COL4A5: variants seen among roughly 807,000 people sequenced by gnomAD.
COL4A5 encodes the protein collagen alpha-5(IV) chain.
Under a neutral mutation model 130.2 loss-of-function variants are expected in COL4A5, and 26 were observed. The observed-to-expected ratio is 0.20, with a 90% CI of 0.15 to 0.28. The LOEUF (loss-of-function observed/expected upper bound fraction) is 0.28. COL4A5 is among the 10% of genes least tolerant of loss of function. COL4A5 has a pLI of 1.00. For synonymous variants in COL4A5, 496 were observed against 439.6 expected (o/e 1.13, Z -1.60); for missense variants, 1,131 against 1,344.3 (o/e 0.84, Z 2.48).
intron 19 of COL4A5, among the ~76,000 whole-genome samples, chrX:108,590,378 T>G (rs1251864776): frequency 9.0e-6 from 1 of 111,410 alleles, no homozygotes; most frequent in Non-Finnish European, 1.9e-5. Flanking sequence ...GTGTAAGACT[T>G]CTTTGCAGAA....
chrX:108,674,875 G>C, intron 43 of COL4A5, 122 bp downstream of exon 43: 2 of 661,382 alleles, frequency 3.0e-6, no homozygotes, highest in Non-Finnish European at 4.4e-6. Flanking sequence ...TTATCCTCAA[G>C]CTGGGGTTTT....
intron 37 of COL4A5, among the ~76,000 whole-genome samples, chrX:108,662,879 C>T (rs1339908580): frequency 8.9e-6 from 1 of 111,860 alleles, no homozygotes; most frequent in African/African-American, 3.3e-5. Flanking sequence ...CATATGGAAC[C>T]AATAAAGAGC....
chrX:108,534,162 GAGAGAA>G (rs1007884476), intron 1 of COL4A5, among the ~76,000 whole-genome samples: 3 of 109,455 alleles, frequency 2.7e-5, no homozygotes, highest in African/African-American at 1.0e-4. Context: ...GAAAGAGAGA[GAGAGAA>G]AGAGAAAGAA....
intron 49 of COL4A5, among the ~76,000 whole-genome samples, chrX:108,691,061 CA>C (rs1002808082): frequency 4.6e-5 from 5 of 109,438 alleles, no homozygotes; most frequent in South Asian, 3.9e-4. Flanking sequence ...AAGCCAGGCA[CA>C]AAAAAAACAA....
At chrX:108,678,196 A>G (rs1316890499) in intron 44 of COL4A5, among the ~76,000 whole-genome samples, 3 of 111,927 alleles carry the variant, frequency 2.7e-5, no homozygotes, top group Non-Finnish European at 5.6e-5. Flanking sequence ...GGTTCTCAAA[A>G]CTGCCTCCAT....
chrX:108,509,235 A>C (rs1296950097), intron 1 of COL4A5, among the ~76,000 whole-genome samples: 1 of 111,929 alleles, frequency 8.9e-6, no homozygotes, highest in African/African-American at 3.2e-5. Context: ...TGATGAGAAC[A>C]CATGGACACA....
chrX:108,580,499 T>C, intron 13 of COL4A5, 34 bp from the exon 14 acceptor site: 1 of 1,137,775 alleles, frequency 8.8e-7, no homozygotes, highest in African/African-American at 1.8e-5. Context: ...GTTCCAGTAT[T>C]AACATTGATT....
At chrX:108,557,893 C>T (rs970059108) in intron 2 of COL4A5, among the ~76,000 whole-genome samples, 5 of 110,261 alleles carry the variant, frequency 4.5e-5, no homozygotes, top group African/African-American at 1.3e-4. Flanking sequence ...GTTGGGAGCA[C>T]GTGCCATGAA....
chrX:108,587,565 T>G (rs60547128), intron 19 of COL4A5, among the ~76,000 whole-genome samples: 11,596 of 111,638 alleles, frequency 0.1, 1,300 homozygotes, highest in African/African-American at 0.34. Flanking sequence ...ATTGTGAATA[T>G]TGCTACAATA....
intron 49 of COL4A5, chrX:108,690,103 C>T (rs2068621343): frequency 1.8e-6 from 1 of 560,521 alleles, no homozygotes; most frequent in Non-Finnish European, 2.2e-6. Flanking sequence ...AAAGCACTTT[C>T]ATGTCCATTG....
At chrX:108,610,171 T>G (rs1276343081) in intron 29 of COL4A5, among the ~76,000 whole-genome samples, 1 of 110,866 alleles carries the variant, frequency 9.0e-6, no homozygotes, top group Non-Finnish European at 1.9e-5. Context: ...TTTTGAGTTA[T>G]CTAATAATGA....
intron 1 of COL4A5, among the ~76,000 whole-genome samples, chrX:108,495,840 A>G (rs1054060171): frequency 4.5e-5 from 5 of 112,248 alleles, no homozygotes; most frequent in African/African-American, 1.6e-4. Flanking sequence ...GCATGGGTTC[A>G]GCATCCTGGA....
In COL4A5 at chrX:108,571,797, C is replaced by A; in HGVS notation, c.439-14C>A. The A allele has an allele frequency of 1.7e-6, 2 of 1,155,208 alleles. No individual in the cohort carries two copies. The highest frequency in any genetic ancestry group is 2.4e-6 in the Non-Finnish European group (2 of 845,280). On this transcript the variant is annotated splice_polypyrimidine_tract_variant and intron_variant, in intron 7 of 52. Coordinates refer to ENST00000328300, the MANE Select transcript of COL4A5 (RefSeq NM_033380.3). ...TCATACATATAAAATAATCCCTTTT[C>A]TTTTTAATAATAGGGACCCCCTGGG...
At chrX:108,468,378 A>G (rs986366167) in intron 1 of COL4A5, among the ~76,000 whole-genome samples, 3 of 112,419 alleles carry the variant, frequency 2.7e-5, no homozygotes, top group African/African-American at 9.7e-5. Context: ...TTACTTAGCT[A>G]AAACTTCCAG....
intron 1 of COL4A5, among the ~76,000 whole-genome samples, chrX:108,504,593 T>C (rs2065108210): frequency 8.9e-6 from 1 of 112,398 alleles, no homozygotes; most frequent in African/African-American, 3.2e-5. Context: ...TAGACATTTC[T>C]GTCTTCAAAA....
chrX:108,535,402 A>T (rs2065442468), intron 1 of COL4A5, among the ~76,000 whole-genome samples: 1 of 110,813 alleles, frequency 9.0e-6, no homozygotes, highest in African/African-American at 3.3e-5. Context: ...ATCTTCCTTT[A>T]AAAAAATGAT....
chrX:108,445,764 G>A (rs1452827848), intron 1 of COL4A5, among the ~76,000 whole-genome samples: 2 of 111,595 alleles, frequency 1.8e-5, no homozygotes, highest in East Asian at 5.5e-4. Flanking sequence ...CAATTCATAT[G>A]TTGATTTTAT....
chrX:108,582,682 C>T, intron 16 of COL4A5: 1 of 398,807 alleles, frequency 2.5e-6, no homozygotes, highest in Non-Finnish European at 4.3e-6. Context: ...TCTGAGTTCT[C>T]ACCAAGATTC....
intron 36 of COL4A5, among the ~76,000 whole-genome samples, chrX:108,634,848 G>T (rs759398003): frequency 9.0e-6 from 1 of 110,590 alleles, no homozygotes; most frequent in African/African-American, 3.3e-5. Context: ...ATTTTGGTTT[G>T]CAGTTTCATT....
Sources: gnomAD v4.1 joint callset for allele counts (sites outside exome capture counted in the v4.1 genomes callset) on GRCh38, gnomAD v4.1.1 for gene constraint, MANE v1.5 for transcripts, NCBI Gene and HGNC (gene_info 2026-07-23, HGNC 2026-07-21) for gene names.